GPM6A: variants seen among roughly 807,000 people sequenced by gnomAD.
GPM6A encodes the protein neuronal membrane glycoprotein M6-a.
In GPM6A, 7 loss-of-function variants were observed where a neutral mutation model predicts 32.1. The observed-to-expected ratio is 0.22, with a 90% CI of 0.12 to 0.41. GPM6A has a LOEUF of 0.41. Ranked by LOEUF, GPM6A falls within the 10% of genes least tolerant of loss-of-function variation. The probability of loss-of-function intolerance (pLI) is 1.00; values close to 1 mark genes in which losing one functional copy is unlikely to be tolerated. For synonymous variants in GPM6A, 130 were observed against 123.4 expected (o/e 1.05, Z -0.35); for missense variants, 235 against 347.2 (o/e 0.68, Z 2.57).
chr4:175,779,702 A>G (rs1733539059), intron 1 of GPM6A, among the ~76,000 whole-genome samples: 1 of 152,214 alleles, frequency 6.6e-6, no homozygotes. Context: ...ATGAAGCACA[A>G]TAAAAATTAA....
chr4:175,661,817 T>C (rs1471815736), intron 3 of GPM6A, among the ~76,000 whole-genome samples: 1 of 152,114 alleles, frequency 6.6e-6, no homozygotes, highest in Non-Finnish European at 1.5e-5. Context: ...GCTCTTAAAA[T>C]TGATCATGTA....
intron 2 of GPM6A, among the ~76,000 whole-genome samples, chr4:175,694,337 T>C (rs111928596): frequency 0.047 from 7,184 of 152,220 alleles, 204 homozygotes; most frequent in Non-Finnish European, 0.063. Context: ...GAGGGAAAGT[T>C]TGGAACTTTC....
At chr4:175,889,157 T>G (rs957598459) in intron 1 of GPM6A, among the ~76,000 whole-genome samples, 1 of 152,048 alleles carries the variant, frequency 6.6e-6, no homozygotes, top group African/African-American at 2.4e-5. Context: ...GAACTAAAGA[T>G]CTGATGTGAA....
chr4:175,976,270 C>T (rs1740657266), intron 1 of GPM6A, among the ~76,000 whole-genome samples: 1 of 151,088 alleles, frequency 6.6e-6, no homozygotes, highest in South Asian at 2.1e-4. Flanking sequence ...TCACGCCATT[C>T]TCCTGTCTCA....
intron 1 of GPM6A, among the ~76,000 whole-genome samples, chr4:175,903,781 G>A (rs566925642): frequency 1.3e-4 from 20 of 152,230 alleles, no homozygotes; most frequent in African/African-American, 4.6e-4. Flanking sequence ...TCAGATTGAA[G>A]TAATCTAGAG....
rs1314821788 is a variant in GPM6A at position 175,893,307 on chromosome 4, T to C, written c.-22-81058A>G. On this transcript the variant is annotated intron_variant, in intron 1 of 7. Transcript: ENST00000280187. The stretch of plus-strand genomic sequence containing the variant: ...ATGAAGAAAATAATCCTTTGTGATA[T>C]GCCGTAGGAAAGGAGAAGTTTCAAA... Among the ~76,000 whole-genome samples the C allele has an allele frequency of 2.6e-5, 4 of 152,326 alleles. No individual in the cohort carries two copies. The East Asian group carries it at 7.7e-4, about 29-fold the overall frequency.
chr4:175,738,962 G>A (rs1012495103), intron 1 of GPM6A, among the ~76,000 whole-genome samples: 2 of 152,082 alleles, frequency 1.3e-5, no homozygotes, highest in Non-Finnish European at 2.9e-5. Context: ...TTGAAGGCTA[G>A]TAGTCTTTGC....
chr4:175,771,350 G>T (rs1465947620), intron 1 of GPM6A, among the ~76,000 whole-genome samples: 2 of 152,000 alleles, frequency 1.3e-5, no homozygotes, highest in Non-Finnish European at 2.9e-5. Flanking sequence ...GAGACAGGGG[G>T]ATCATGAGGT....
upstream of GPM6A, among the ~76,000 whole-genome samples, chr4:175,816,895 CAAA>C (rs1160470516): frequency 4.0e-4 from 61 of 151,638 alleles, no homozygotes; most frequent in Non-Finnish European, 4.3e-4. Flanking sequence ...GAGTCTCGCT[CAAA>C]GCCCAGGCTG....
chr4:175,974,563 G>T (rs182194321), intron 1 of GPM6A, among the ~76,000 whole-genome samples: 340 of 141,520 alleles, frequency 2.4e-3, no homozygotes, highest in Admixed American at 3.9e-3. Flanking sequence ...TCAACTGTCT[G>T]TTTAAAATCA....
At chr4:175,692,521 TC>T (rs1744354626) in intron 2 of GPM6A, among the ~76,000 whole-genome samples, 1 of 152,172 alleles carries the variant, frequency 6.6e-6, no homozygotes, top group Non-Finnish European at 1.5e-5. Flanking sequence ...TTTTATATTT[TC>T]CCTGTTTTTA....
At chr4:175,933,521 T>G (rs1385741279) in intron 1 of GPM6A, among the ~76,000 whole-genome samples, 9 of 152,126 alleles carry the variant, frequency 5.9e-5, no homozygotes, top group African/African-American at 2.2e-4. Context: ...AAATGAAAAT[T>G]TATGACTACA....
chr4:175,664,786 G>A (rs1742642405), intron 3 of GPM6A, among the ~76,000 whole-genome samples: 1 of 152,150 alleles, frequency 6.6e-6, no homozygotes, highest in African/African-American at 2.4e-5. Flanking sequence ...TGTTAATAGA[G>A]TTATACATCC....
chr4:175,862,302 C>T lies in GPM6A; in HGVS notation c.-22-50053G>A, dbSNP rs569716101. Reference sequence around the variant, plus strand: ...GACTCTGCCAGACCCCTTGAGGTCACCCCTTTCCATCAAGGGTAACCGTCC... The same window carrying T: ...GACTCTGCCAGACCCCTTGAGGTCATCCCTTTCCATCAAGGGTAACCGTCC... On this transcript the variant is annotated intron_variant, in intron 1 of 7. Transcript: ENST00000280187. Among the ~76,000 whole-genome samples the T allele has an allele frequency of 1.6e-3, 249 of 152,294 alleles. 1 individual carries two copies. Among genetic ancestry groups the T allele is most frequent in the African/African-American group, 5.6e-3 (232 of 41,570 alleles).
chr4:175,931,348 A>G (rs1395621520), intron 1 of GPM6A, among the ~76,000 whole-genome samples: 3 of 152,086 alleles, frequency 2.0e-5, no homozygotes, highest in Non-Finnish European at 4.4e-5. Flanking sequence ...ACATTCACCA[A>G]AGGTTTTTCT....
intron 1 of GPM6A, among the ~76,000 whole-genome samples, chr4:175,868,786 T>A (rs1194961433): frequency 6.6e-6 from 1 of 152,228 alleles, no homozygotes; most frequent in Non-Finnish European, 1.5e-5. Context: ...TTTTTGTAAA[T>A]GTTGAATCCT....
intron 5 of GPM6A, among the ~76,000 whole-genome samples, chr4:175,640,399 A>G (rs1270632039): frequency 6.6e-6 from 1 of 152,228 alleles, no homozygotes; most frequent in Non-Finnish European, 1.5e-5. Flanking sequence ...TCATTATAAC[A>G]TAATTTCATT....
intron 1 of GPM6A, chr4:175,906,663 T>C (rs1312345977): frequency 6.6e-6 from 1 of 152,152 alleles, no homozygotes; most frequent in African/African-American, 2.4e-5. Flanking sequence ...CTTTCTTTAT[T>C]TCATTTCCTT....
At chr4:175,913,463 G>A (rs887020563) in intron 1 of GPM6A, among the ~76,000 whole-genome samples, 1 of 152,146 alleles carries the variant, frequency 6.6e-6, no homozygotes, top group Non-Finnish European at 1.5e-5. Flanking sequence ...GATTGATCAT[G>A]CCTTTGCTCA....
Sources: gnomAD v4.1 joint callset for allele counts (sites outside exome capture counted in the v4.1 genomes callset) on GRCh38, gnomAD v4.1.1 for gene constraint, MANE v1.5 for transcripts, NCBI Gene and HGNC (gene_info 2026-07-23, HGNC 2026-07-21) for gene names.